The following BEND5 variants were observed in gnomAD, a reference collection of about 807,000 sequenced individuals.
The protein encoded by BEND5 is BEN domain containing 5, also known as BEN domain-containing protein 5.
BEND5 carries 22 observed loss-of-function variants against 43.9 expected under a neutral mutation model. The ratio of observed to expected loss-of-function variants is 0.50; its 90% CI spans 0.36 to 0.72. The LOEUF is 0.72. BEND5 is among the 30% of genes least tolerant of loss of function. The pLI is 0.00. For synonymous variants in BEND5, 228 were observed against 225.9 expected, an observed-to-expected ratio of 1.01 and a Z score of -0.08; for missense variants, 428 against 550.6, an observed-to-expected ratio of 0.78 and a Z score of 2.23.
intron 1 of BEND5, among the ~76,000 whole-genome samples, chr1:48,765,630 A>T (rs1177509726): frequency 2.0e-5 from 3 of 152,240 alleles, no homozygotes; most frequent in Admixed American, 6.5e-5. Flanking sequence ...TCATAACAGC[A>T]TTATTCATTA....
intron 4 of BEND5, among the ~76,000 whole-genome samples, chr1:48,737,441 C>A (rs535018141): frequency 6.6e-6 from 1 of 152,184 alleles, no homozygotes; most frequent in East Asian, 1.9e-4. Flanking sequence ...AGAGCAGCTG[C>A]CCTGCCAATT....
intron 1 of BEND5, 147 bp downstream of exon 1, chr1:48,776,459 C>T: frequency 1.6e-6 from 1 of 617,306 alleles, no homozygotes; most frequent in Non-Finnish European, 2.5e-6. Context: ...CACCCCGTTC[C>T]CAAATGAAAT....
intron 1 of BEND5, among the ~76,000 whole-genome samples, chr1:48,769,571 A>AC (rs1491337703): frequency 2.0e-4 from 25 of 123,188 alleles, no homozygotes; most frequent in East Asian, 5.6e-4. Flanking sequence ...ACACACACAC[A>AC]AGTTAAATTT....
rs1442998645 is a variant in BEND5 at position 48,736,989 on chromosome 1, A to T, written c.895-537T>A. On this transcript the variant is annotated intron_variant, in intron 4 of 5. Coordinates refer to ENST00000371833, the MANE Select transcript of BEND5 (RefSeq NM_024603.4). This position sits in a 1 kb window ranked among gnomAD's most constrained non-coding sequence, Gnocchi z 4.0. ...CAGGGGTCACCTAGGGAGCTGTAAA[A>T]ATCACCAGTGACAGCCAGGCATGGT... Among the ~76,000 whole-genome samples, 2 of 152,172 alleles carry T rather than the reference A, an allele frequency of 1.3e-5. No individual in the cohort carries two copies. Among genetic ancestry groups the T allele is most frequent in the East Asian group, 3.9e-4 (2 of 5,188 alleles).
chr1:48,743,979 G>C (rs1385745437), intron 3 of BEND5, among the ~76,000 whole-genome samples: 1 of 152,196 alleles, frequency 6.6e-6, no homozygotes, highest in Non-Finnish European at 1.5e-5. Context: ...GCACAAAGCT[G>C]AATGCAAGAT....
intron 3 of BEND5, among the ~76,000 whole-genome samples, chr1:48,750,559 T>C (rs565523604): frequency 1.3e-5 from 2 of 152,194 alleles, no homozygotes; most frequent in African/African-American, 4.8e-5. Context: ...TCACCCTGCA[T>C]CCCAACTGTC....
intron 5 of BEND5, among the ~76,000 whole-genome samples, chr1:48,731,269 T>C (rs1648081569): frequency 6.6e-6 from 1 of 150,398 alleles, no homozygotes; most frequent in Non-Finnish European, 1.5e-5. Flanking sequence ...TGCCTGTCTT[T>C]AGTAAAAAAA....
chr1:48,766,919 G>A (rs950372507), intron 1 of BEND5, among the ~76,000 whole-genome samples: 1 of 152,202 alleles, frequency 6.6e-6, no homozygotes, highest in African/African-American at 2.4e-5. Flanking sequence ...TTACAACCCA[G>A]TATATGATAA....
At chr1:48,762,310 A>T (rs1644303398) in intron 1 of BEND5, among the ~76,000 whole-genome samples, 1 of 152,168 alleles carries the variant, frequency 6.6e-6, no homozygotes, top group African/African-American at 2.4e-5. Context: ...ACCTAAGATA[A>T]TCTGTTTCTT....
rs149930334 is a variant in BEND5 at position 48,761,183 on chromosome 1, G to A, written c.360+154C>T. ...GTTGGCCAGCAAGGCAAATACACAC[G>A]AGTTGTCCCACGCTTTCACTACCCT... On this transcript the variant is annotated intron_variant, in intron 2 of 5. Transcript: ENST00000371833. 375 of 818,214 alleles carry A rather than the reference G, an allele frequency of 4.6e-4. 1 individual carries two copies. Among genetic ancestry groups the A allele is most frequent in the Non-Finnish European group, 6.3e-4 (339 of 537,524 alleles). The allele number at this position is 818,214 out of a possible 1,614,324, so 50.7% of individuals were successfully genotyped here.
At chr1:48,734,991 A>G (rs1434780354) in intron 5 of BEND5, among the ~76,000 whole-genome samples, 3 of 152,184 alleles carry the variant, frequency 2.0e-5, no homozygotes, top group African/African-American at 7.2e-5. Context: ...CTCTCCTCCC[A>G]CTAGCTGTAT....
chr1:48,766,375 A>G (rs1644530667), intron 1 of BEND5, among the ~76,000 whole-genome samples: 5 of 152,228 alleles, frequency 3.3e-5, no homozygotes. Flanking sequence ...GCCAGAATAA[A>G]TACTGAATGA....
intron 5 of BEND5, among the ~76,000 whole-genome samples, chr1:48,731,639 T>C (rs1402644971): frequency 6.6e-6 from 1 of 152,206 alleles, no homozygotes; most frequent in Non-Finnish European, 1.5e-5. Context: ...AGGTAGGTAG[T>C]GGGACCTGTG....
At chr1:48,769,571 A>ACACACACACACACAC (rs1491337703) in intron 1 of BEND5, among the ~76,000 whole-genome samples, 1 of 123,116 alleles carries the variant, frequency 8.1e-6, no homozygotes, top group African/African-American at 3.3e-5. Context: ...ACACACACAC[A>ACACACACACACACAC]AGTTAAATTT....
chr1:48,733,610 T>C (rs767209511), intron 5 of BEND5, among the ~76,000 whole-genome samples: 2 of 152,148 alleles, frequency 1.3e-5, no homozygotes, highest in African/African-American at 2.4e-5. Flanking sequence ...CTAAGGAGTG[T>C]GTAATGGCCC....
At chr1:48,737,881 C>T (rs895173147) in intron 4 of BEND5, among the ~76,000 whole-genome samples, 35 of 152,126 alleles carry the variant, frequency 2.3e-4, no homozygotes, top group African/African-American at 8.4e-4. Context: ...GGACAGAGGG[C>T]GGCAGCTGCT....
At chr1:48,768,542 A>AG (rs1232727864) in intron 1 of BEND5, among the ~76,000 whole-genome samples, 1 of 152,358 alleles carries the variant, frequency 6.6e-6, no homozygotes, top group Non-Finnish European at 1.5e-5. Flanking sequence ...AGAAAAAACA[A>AG]GCAGGTGACA....
chr1:48,759,164 C>G lies in BEND5; in HGVS notation c.481G>C (p.Val161Leu). 1 of 1,614,196 alleles carries G rather than the reference C, an allele frequency of 6.2e-7. No individual in the cohort carries two copies. The highest frequency in any genetic ancestry group is 1.1e-5 in the South Asian group (1 of 91,078). Residue 161 changes from valine to leucine, a missense_variant, in exon 3 of 6, where the codon GTG (valine) becomes CTG (leucine). Physicochemically the swap from Val to Leu is conservative, Grantham distance 32 (BLOSUM62 1). Around this residue, in one of 4 missense-constraint regions of BEND5, gnomAD observed 243 missense variants for 286.4 expected, o/e 0.85. Transcript: ENST00000371833. ...TCCTCTGTGCCTGGCGAGGCCTCCA[C>G]GAAGACCTCTTCCGGACACGTGCTA... Reference protein sequence around the residue: ...GHSTCPEEVFVEASPGTEDMD... With the variant: ...GHSTCPEEVFLEASPGTEDMD...
At chr1:48,753,233 C>G (rs1203940339) in intron 3 of BEND5, among the ~76,000 whole-genome samples, 2 of 152,240 alleles carry the variant, frequency 1.3e-5, no homozygotes, top group African/African-American at 4.8e-5. Context: ...AATCACTGAG[C>G]TGGTTCTCCT....
Sources: gnomAD v4.1 joint callset for allele counts (sites outside exome capture counted in the v4.1 genomes callset) on GRCh38, gnomAD v4.1.1 for gene constraint, gnomAD v4.1.1 regional missense constraint, Gnocchi (gnomAD v3.1) non-coding constraint, MANE v1.5 for transcripts, NCBI Gene and HGNC (gene_info 2026-07-23, HGNC 2026-07-21) for gene names.